TGFBR3: variants seen among roughly 807,000 people sequenced by gnomAD.
TGFBR3 encodes transforming growth factor beta receptor 3.
A neutral mutation model predicts 87.9 loss-of-function variants in TGFBR3; 46 were observed. That is an observed-to-expected ratio of 0.52 (90% confidence interval 0.41 to 0.67). The LOEUF is 0.67. Among genes scored for constraint, TGFBR3 ranks in the 30% least tolerant of loss-of-function variants. The pLI, the probability that TGFBR3 is intolerant of heterozygous loss-of-function variation, is 0.00. For synonymous variants in TGFBR3, 381 were observed against 391.6 expected (o/e 0.97, Z 0.32); for missense variants, 866 against 1,041.9 (o/e 0.83, Z 2.32).
intron 2 of TGFBR3, among the ~76,000 whole-genome samples, chr1:91,854,700 A>G (rs2489171): frequency 0.12 from 18,929 of 152,056 alleles, 1,469 homozygotes; most frequent in East Asian, 0.39. Context: ...AAACATCATG[A>G]TGTACACCAT....
chr1:91,888,713 T>A (rs1054772242), upstream of TGFBR3, among the ~76,000 whole-genome samples: 4 of 152,008 alleles, frequency 2.6e-5, no homozygotes, highest in East Asian at 3.9e-4. Context: ...AAAATAAAAT[T>A]AAATTAAATG....
At chr1:91,781,343 A>T (rs1303958207) in intron 3 of TGFBR3, among the ~76,000 whole-genome samples, 1 of 152,242 alleles carries the variant, frequency 6.6e-6, no homozygotes, top group East Asian at 1.9e-4. Context: ...AGGAAAAGCT[A>T]GAGAACAAAA....
At chr1:91,879,555 C>T (rs1189945944) in intron 1 of TGFBR3, among the ~76,000 whole-genome samples, 1 of 152,188 alleles carries the variant, frequency 6.6e-6, no homozygotes, top group Non-Finnish European at 1.5e-5. Context: ...ATTAAGTCTT[C>T]ATCTTTGGCC....
intron 4 of TGFBR3, among the ~76,000 whole-genome samples, chr1:91,752,684 G>A (rs1167601684): frequency 1.3e-5 from 2 of 151,752 alleles, no homozygotes; most frequent in Non-Finnish European, 2.9e-5. Context: ...GACCTTGCAG[G>A]AGAGAATGCT....
intron 1 of TGFBR3, among the ~76,000 whole-genome samples, chr1:91,883,876 C>A (rs1474130085): frequency 6.6e-6 from 1 of 151,866 alleles, no homozygotes; most frequent in African/African-American, 2.4e-5. Flanking sequence ...CTTTAACTGA[C>A]ACAATGGCAT....
chr1:91,863,737 A>G (rs1194009446), intron 1 of TGFBR3: 1 of 152,266 alleles, frequency 6.6e-6, no homozygotes, highest in African/African-American at 2.4e-5. Context: ...TTACCAGTCA[A>G]GTTGAGGCAT....
intron 5 of TGFBR3, among the ~76,000 whole-genome samples, chr1:91,731,179 T>C (rs1672754259): frequency 6.6e-6 from 1 of 152,218 alleles, no homozygotes; most frequent in Admixed American, 6.5e-5. Flanking sequence ...GAGGACAGGA[T>C]GCCAGGGTTC....
intron 2 of TGFBR3, among the ~76,000 whole-genome samples, chr1:91,858,253 G>C (rs971308874): frequency 1.3e-5 from 2 of 151,966 alleles, no homozygotes; most frequent in African/African-American, 4.8e-5. Flanking sequence ...CATCCAGAAT[G>C]CCCAAAAAAC....
intron 2 of TGFBR3, among the ~76,000 whole-genome samples, chr1:91,845,112 TA>T (rs2101126238): frequency 6.6e-6 from 1 of 152,304 alleles, no homozygotes; most frequent in Non-Finnish European, 1.5e-5. Context: ...AGTTGAGTAA[TA>T]AACAGAAATA....
chr1:91,826,927 G>C (rs1470160210), intron 2 of TGFBR3, among the ~76,000 whole-genome samples: 1 of 152,050 alleles, frequency 6.6e-6, no homozygotes, highest in East Asian at 1.9e-4. Context: ...TGAACAGAGA[G>C]TTATCAATCT....
intron 3 of TGFBR3, chr1:91,786,039 C>T (rs1674945309): frequency 5.6e-6 from 2 of 358,752 alleles, no homozygotes; most frequent in Non-Finnish European, 1.1e-5. Flanking sequence ...GCTGAGATTA[C>T]AGGCGTGAGC....
chr1:91,824,853 G>T (rs1571547424), intron 2 of TGFBR3, among the ~76,000 whole-genome samples: 1 of 151,986 alleles, frequency 6.6e-6, no homozygotes, highest in African/African-American at 2.4e-5. Context: ...CCAGCTACTT[G>T]GGAGGCTGAG....
chr1:91,842,059 G>A (rs948426968), intron 2 of TGFBR3, among the ~76,000 whole-genome samples: 3 of 150,728 alleles, frequency 2.0e-5, no homozygotes, highest in South Asian at 4.2e-4. Flanking sequence ...CAAGAAATGT[G>A]CCCCTGCACT....
At chr1:91,725,197 T>C (rs1427489421) in intron 7 of TGFBR3, among the ~76,000 whole-genome samples, 1 of 152,202 alleles carries the variant, frequency 6.6e-6, no homozygotes, top group Non-Finnish European at 1.5e-5. Flanking sequence ...TTTGACCATT[T>C]TGCCATCTGG....
chr1:91,858,178 G>A (rs1194934901), intron 2 of TGFBR3, among the ~76,000 whole-genome samples: 1 of 152,146 alleles, frequency 6.6e-6, no homozygotes. Flanking sequence ...TTTGGGGCCT[G>A]ACACACAGTA....
At chr1:91,800,330 A>ATGTATGTGTGTG (rs1553168329) in intron 2 of TGFBR3, among the ~76,000 whole-genome samples, 1 of 136,220 alleles carries the variant, frequency 7.3e-6, no homozygotes, top group East Asian at 2.3e-4. Context: ...ATATGTGTAT[A>ATGTATGTGTGTG]TGTGTGTGTG....
At chr1:91,689,123 C>T (rs896972647) in intron 16 of TGFBR3, among the ~76,000 whole-genome samples, 2 of 152,152 alleles carry the variant, frequency 1.3e-5, no homozygotes, top group East Asian at 1.9e-4. Context: ...AAGCACCTCC[C>T]GGAGCATCTG....
rs1382425612 is a variant in TGFBR3, at chr1:91,720,109, T to C, written c.1197A>G (p.Gly399=). ...PPIRGGEGQN[G]GLPFPFPDIS... is the part of the protein sequence containing the mutation. ...TATCTGGGAAAGGAAACGGAAGGCC[T>C]CCATTTTGGCCTTCCCCTCCCCGGA... The change falls in exon 9 of 17, where the codon GGA becomes GGG. Residue 399 remains glycine (G), a synonymous_variant. Transcript: ENST00000212355. 6.2e-7 allele frequency: 1 copy of C among 1,614,106 alleles called. No individual in the cohort carries two copies. Among genetic ancestry groups the C allele is most frequent in the South Asian group, 1.1e-5 (1 of 91,074 alleles).
chr1:91,818,277 C>CTTTTTTTTTTTTTTTTTTTTTTT lies in TGFBR3; in HGVS notation c.62-20807_62-20806insAAAAAAAAAAAAAAAAAAAAAAA, dbSNP rs1557726893. On this transcript the variant is annotated intron_variant, in intron 2 of 16. Transcript: ENST00000212355. ...CTGCACCATTTCCCCTTAGCCCCAG[C>CTTTTTTTTTTTTTTTTTTTTTTT]CTTTTTTTTTTTTTTTTTTTTTTTT... 1.6e-5 allele frequency among the ~76,000 whole-genome samples: 2 copies of CTTTTTTTTTTTTTTTTTTTTTTT among 123,142 alleles called. 1 individual carries two copies. The highest frequency in any genetic ancestry group is 5.9e-5 in the African/African-American group (2 of 34,002). 80.8% of individuals were successfully genotyped at this position (123,142 alleles called of 152,430 possible). A position where few individuals can be genotyped will look rare whatever the true frequency, so the allele number is the denominator to read the frequency against.
Sources: allele counts gnomAD v4.1 joint callset (sites outside exome capture counted in the v4.1 genomes callset), GRCh38; gene constraint gnomAD v4.1.1; transcripts MANE v1.5; gene names NCBI Gene and HGNC (gene_info 2026-07-23, HGNC 2026-07-21).